Variants in STRA8 observed in about 807,000 individuals in gnomAD.
STRA8 encodes stimulated by retinoic acid gene 8 protein homolog.
In STRA8, 18 loss-of-function variants were observed where a neutral mutation model predicts 37.1. The ratio of observed to expected loss-of-function variants is 0.48; its 90% CI spans 0.34 to 0.72. The LOEUF (loss-of-function observed/expected upper bound fraction) is 0.72. Among genes scored for constraint, STRA8 ranks in the 30% least tolerant of loss-of-function variants. STRA8 has a pLI of 0.01. For synonymous variants in STRA8, 168 were observed against 162.9 expected, an observed-to-expected ratio of 1.03 and a Z score of -0.24; for missense variants, 357 against 410.4, an observed-to-expected ratio of 0.87 and a Z score of 1.13.
intron 8 of STRA8, among the ~76,000 whole-genome samples, chr7:135,256,918 C>T (rs778168896): frequency 6.6e-6 from 1 of 152,196 alleles, no homozygotes; most frequent in Non-Finnish European, 1.5e-5. Context: ...AATGAGCTGT[C>T]CAAGTGGCTC....
At chr7:135,237,544 C>T (rs1832395330) in intron 1 of STRA8, among the ~76,000 whole-genome samples, 1 of 152,158 alleles carries the variant, frequency 6.6e-6, no homozygotes, top group African/African-American at 2.4e-5. Context: ...GCGAGCCAGC[C>T]CTTCACACAA....
chr7:135,258,305 C>G, intron 8 of STRA8, 113 bp from the exon 9 acceptor site: 1 of 784,720 alleles, frequency 1.3e-6, no homozygotes, highest in East Asian at 2.8e-5. Flanking sequence ...GCGGAAGAGA[C>G]GTAGGATAGA....
upstream of STRA8, among the ~76,000 whole-genome samples, chr7:135,232,355 T>C (rs988937379): frequency 6.6e-6 from 1 of 151,624 alleles, no homozygotes; most frequent in Admixed American, 6.6e-5. Context: ...TGGTGACAAT[T>C]TCCTTAAAGC....
In STRA8 at chr7:135,258,546, GT is replaced by G; in HGVS notation, c.*56del. 1 of 1,478,508 alleles carries G rather than the reference GT, an allele frequency of 6.8e-7. No homozygotes were observed. The highest frequency in any genetic ancestry group is 1.4e-5 in the African/African-American group (1 of 71,874). The allele number at this position is 1,478,508 out of a possible 1,614,324, so 91.6% of individuals were successfully genotyped here. A position where few individuals can be genotyped will look rare whatever the true frequency, so the allele number is the denominator to read the frequency against. The stretch of plus-strand genomic sequence containing the variant: ...CTGAATGAGGTGGGCAGTTCCCAAG[GT>G]TGAATGCTGGCAGCTAAGGTTGCAC... On this transcript the variant is annotated 3_prime_UTR_variant, in exon 9 of 9. Transcript: ENST00000662584.
rs1832636229 is a variant in STRA8 at position 135,251,697 on chromosome 7, A to T, written c.880-99A>T. 2.5e-6 allele frequency: 3 copies of T among 1,200,644 alleles called. No homozygotes were observed. In the South Asian group the frequency reaches 3.7e-5, roughly 15 times the overall value. 74.4% of individuals were successfully genotyped at this position (1,200,644 alleles called of 1,614,324 possible). ...CATGCATGCCCTCTGGGGTATGTGT[A>T]AAGAGAGAGCCTTTCCACTCATCTC... is the stretch of plus-strand genomic sequence containing the variant. On this transcript the variant is annotated intron_variant, in intron 6 of 8. Transcript: ENST00000662584.
chr7:135,258,587 A>G lies in STRA8; in HGVS notation c.*95A>G. On this transcript the variant is annotated 3_prime_UTR_variant, in exon 9 of 9. Transcript: ENST00000662584. Reference sequence around the variant, plus strand: ...TAAGGTTGCACCTGCCTTGGCCTCCAGGACTCTTTGGAGTGGGTTGTTCCA... The same window carrying G: ...TAAGGTTGCACCTGCCTTGGCCTCCGGGACTCTTTGGAGTGGGTTGTTCCA... The G allele has an allele frequency of 1.0e-6, 1 of 1,000,576 alleles. No homozygotes were observed. Among genetic ancestry groups the G allele is most frequent in the Non-Finnish European group, 1.5e-6 (1 of 663,866 alleles). The allele number at this position is 1,000,576 out of a possible 1,614,324, so 62.0% of individuals were successfully genotyped here.
In STRA8 at chr7:135,255,169, A is replaced by G. The variant is rs372285151; in HGVS notation, c.1009A>G (p.Met337Val). The G allele has an allele frequency of 2.5e-6, 4 of 1,613,966 alleles. No individual in the cohort carries two copies. In the African/African-American group the frequency reaches 5.3e-5, roughly 22 times the overall value. ...CCCAGAGGAGAAGTTTCAGCTCTATATGCAGATCATCAACTTTTTTAAAGG... is the reference window on the plus strand; with the variant it reads ...CCCAGAGGAGAAGTTTCAGCTCTATGTGCAGATCATCAACTTTTTTAAAGG... The part of the protein sequence containing the change: ...ENPEEKFQLY[M>V]QIINFFKGLS... The change falls in exon 8 of 9, where the codon ATG becomes GTG. Residue 337 changes from methionine (M) to valine (V), a missense_variant. Physicochemically the swap from Met to Val is conservative, Grantham distance 21. Transcript: ENST00000662584.
At chr7:135,242,736 T>C (rs1832485520) in intron 2 of STRA8, 45 bp from the exon 3 acceptor site, 1 of 1,600,482 alleles carries the variant, frequency 6.2e-7, no homozygotes, top group Non-Finnish European at 8.6e-7. Context: ...AATCAGTCTC[T>C]GCAGTGAGAG....
intron 5 of STRA8, among the ~76,000 whole-genome samples, chr7:135,245,813 G>A (rs1403825997): frequency 6.6e-6 from 1 of 152,112 alleles, no homozygotes; most frequent in African/African-American, 2.4e-5. Context: ...GGTGCCTTGT[G>A]GGGGGCACAG....
chr7:135,243,332 T>A lies in STRA8; in HGVS notation c.275T>A (p.Phe92Tyr), dbSNP rs1832496118. The A allele has an allele frequency of 1.9e-6, 3 of 1,614,014 alleles. No homozygotes were observed. The African/African-American group carries it at 4.0e-5, about 22-fold the overall frequency. The change falls in exon 4 of 9, where the codon TTC (phenylalanine) becomes TAC (tyrosine). Residue 92 changes from phenylalanine to tyrosine, a missense_variant. By Grantham distance (22) the Phe-to-Tyr change is conservative (BLOSUM62 3). Transcript: ENST00000662584. ...GTCTTCAACTCCCCAATAGCATCCT[T>A]CAACCTGGAAGATGGGCATGCAAGC... ...LDNLLKLKAS[F>Y]NLEDGHASSL...
intron 2 of STRA8, among the ~76,000 whole-genome samples, chr7:135,242,156 AGGAG>A (rs1274701554): frequency 8.8e-6 from 1 of 114,102 alleles, no homozygotes; most frequent in Non-Finnish European, 1.7e-5. Flanking sequence ...GAAGGAGGGA[AGGAG>A]GGAGGGAAAA....
chr7:135,247,002 G>T lies in STRA8; in HGVS notation c.879+300G>T, dbSNP rs1041721759. On this transcript the variant is annotated intron_variant, in intron 6 of 8. Transcript: ENST00000662584. The stretch of plus-strand genomic sequence containing the variant: ...TGGGACTACAGGCGCCCGCCACCAC[G>T]CCCGGCTAATTTTTTTGTATTTTTA... 3 of 321,664 alleles carry T rather than the reference G, an allele frequency of 9.3e-6. No individual in the cohort carries two copies. In the East Asian group the frequency reaches 2.0e-4, roughly 21 times the overall value. 19.9% of individuals were successfully genotyped at this position (321,664 alleles called of 1,614,324 possible).
At chr7:135,242,949 C>T in intron 3 of STRA8, 93 bp downstream of exon 3, 1 of 1,361,896 alleles carries the variant, frequency 7.3e-7, no homozygotes, top group Middle Eastern at 1.8e-4. Flanking sequence ...TACAATGAAT[C>T]AACAAATATT....
intron 2 of STRA8, among the ~76,000 whole-genome samples, chr7:135,241,086 A>G (rs971208346): frequency 6.6e-6 from 1 of 152,102 alleles, no homozygotes; most frequent in Non-Finnish European, 1.5e-5. Context: ...TCTTAATACT[A>G]TCATATTGGG....
chr7:135,245,432 A>AAGAGGAGGAAGAGGAAGAGGAG lies in STRA8; in HGVS notation c.498_499insAGAGGAGGAAGAGGAAGAGGAG (p.Glu167ArgfsTer33). The AAGAGGAGGAAGAGGAAGAGGAG allele has an allele frequency of 4.7e-6, 2 of 424,550 alleles. No homozygotes were observed. Among genetic ancestry groups the AAGAGGAGGAAGAGGAAGAGGAG allele is most frequent in the South Asian group, 4.1e-5 (2 of 48,922 alleles). The allele number at this position is 424,550 out of a possible 1,614,324, so 26.3% of individuals were successfully genotyped here. ...AGGAAGAAGAAGAGGAGGAGGAGGA[A>AAGAGGAGGAAGAGGAAGAGGAG]GAGGAGGAAGAGGAAGAGGAGGAGG... is the stretch of plus-strand genomic sequence containing the variant. On this transcript the variant is annotated frameshift_variant, in exon 5 of 9. Transcript: ENST00000662584. LOFTEE classifies it high-confidence loss of function.
At chr7:135,250,620 G>A (rs547308020) in intron 6 of STRA8, among the ~76,000 whole-genome samples, 28 of 152,226 alleles carry the variant, frequency 1.8e-4, no homozygotes, top group Non-Finnish European at 3.2e-4. Context: ...GAGGAGAGGA[G>A]AGACCCTGGC....
intron 6 of STRA8, among the ~76,000 whole-genome samples, chr7:135,249,669 A>G (rs137912364): frequency 6.6e-6 from 1 of 152,352 alleles, no homozygotes; most frequent in East Asian, 1.9e-4. Flanking sequence ...AAAGTTGCCT[A>G]AGGACACATT....
chr7:135,243,236 C>A (rs575533317), intron 3 of STRA8, 90 bp from the exon 4 acceptor site: 6 of 1,411,978 alleles, frequency 4.2e-6, no homozygotes, highest in Non-Finnish European at 5.9e-6. Flanking sequence ...CAGGGTCCCA[C>A]CCACAGCCCA....
intron 1 of STRA8, among the ~76,000 whole-genome samples, chr7:135,237,845 T>G (rs910762752): frequency 6.6e-6 from 1 of 150,932 alleles, no homozygotes; most frequent in African/African-American, 2.4e-5. Flanking sequence ...TGAGCCGAGA[T>G]CACGCCACTG....
Sources: allele counts gnomAD v4.1 joint callset (sites outside exome capture counted in the v4.1 genomes callset), GRCh38; gene constraint gnomAD v4.1.1; transcripts MANE v1.5; gene names NCBI Gene and HGNC (gene_info 2026-07-23, HGNC 2026-07-21).